CTNNA3: variants seen among roughly 807,000 people sequenced by gnomAD.
CTNNA3 encodes the protein catenin alpha-3.
In CTNNA3, 76 loss-of-function variants were observed where a neutral mutation model predicts 95.7. The observed-to-expected ratio is 0.79, with a 90% CI of 0.66 to 0.96. The LOEUF is 0.96. Among genes scored for constraint, CTNNA3 ranks in the 40% least tolerant of loss-of-function variants. CTNNA3 has a pLI of 0.00. For missense variants in CTNNA3, 1,191 were observed against 1,089.8 expected (o/e 1.09, Z -1.31); for synonymous variants, 431 against 374.4 (o/e 1.15, Z -1.74).
At chr10:66,767,619 A>G (rs1839921880) in intron 8 of CTNNA3, among the ~76,000 whole-genome samples, 1 of 152,174 alleles carries the variant, frequency 6.6e-6, no homozygotes, top group Non-Finnish European at 1.5e-5. Context: ...TTTTTCTGTC[A>G]AAGTTACATT....
intron 7 of CTNNA3, among the ~76,000 whole-genome samples, chr10:66,854,217 AG>A (rs1405689137): frequency 2.6e-5 from 4 of 152,220 alleles, no homozygotes; most frequent in African/African-American, 7.2e-5. Flanking sequence ...TTCCAAAAAT[AG>A]GCATGTTTTG....
intron 5 of CTNNA3, among the ~76,000 whole-genome samples, chr10:67,236,762 CA>C (rs1865481846): frequency 6.6e-6 from 1 of 151,528 alleles, no homozygotes; most frequent in South Asian, 2.1e-4. Context: ...AAATGCAAAT[CA>C]AAACTACAAG....
intron 11 of CTNNA3, among the ~76,000 whole-genome samples, chr10:66,476,684 A>G (rs552767321): frequency 6.6e-6 from 1 of 152,178 alleles, no homozygotes; most frequent in African/African-American, 2.4e-5. Flanking sequence ...TTTATAATTC[A>G]CAATGTTATA....
intron 11 of CTNNA3, among the ~76,000 whole-genome samples, chr10:66,517,882 T>C (rs1027675949): frequency 6.6e-6 from 1 of 152,064 alleles, no homozygotes; most frequent in Non-Finnish European, 1.5e-5. Context: ...TAGAAAATAA[T>C]GTGCGTTTTC....
chr10:66,958,822 G>GGTTT, intron 7 of CTNNA3, among the ~76,000 whole-genome samples: 1 of 152,078 alleles, frequency 6.6e-6, no homozygotes, highest in Non-Finnish European at 1.5e-5. Context: ...AAGAAGGAAA[G>GGTTT]GAATTAAAAT....
intron 11 of CTNNA3, among the ~76,000 whole-genome samples, chr10:66,465,608 A>G (rs1838879802): frequency 6.6e-6 from 1 of 152,062 alleles, no homozygotes; most frequent in African/African-American, 2.4e-5. Context: ...GCCAAATCTC[A>G]TGTCACTGGT....
Position 66,317,439 on chromosome 10 carries a change from C to T in CTNNA3, c.1733-36818G>A, listed in dbSNP as rs566933729. ...CTGTAATCCCAGCACTTTGGGAGGC[C>T]GAGGTGGGTGAATCACAAGGTCAGG... On this transcript the variant is annotated intron_variant, in intron 12 of 17. Transcript: ENST00000433211. Among the ~76,000 whole-genome samples the T allele has an allele frequency of 7.8e-4, 118 of 151,924 alleles. 1 individual carries two copies. The highest frequency in any genetic ancestry group is 2.3e-3 in the African/African-American group (97 of 41,460).
intron 13 of CTNNA3, among the ~76,000 whole-genome samples, chr10:66,199,805 A>ATATATATATTTTT (rs1564756586): frequency 1.4e-4 from 2 of 14,290 alleles, no homozygotes; most frequent in Non-Finnish European, 2.2e-4. Flanking sequence ...ATATATATAT[A>ATATATATATTTTT]TTTTTTTTTT....
intron 9 of CTNNA3, among the ~76,000 whole-genome samples, chr10:66,765,297 T>C (rs1295521717): frequency 6.6e-6 from 1 of 152,186 alleles, no homozygotes; most frequent in Non-Finnish European, 1.5e-5. Flanking sequence ...TGCTGATTAT[T>C]AGACAGACTA....
chr10:66,724,690 A>G (rs984844607), intron 9 of CTNNA3, among the ~76,000 whole-genome samples: 3 of 152,192 alleles, frequency 2.0e-5, no homozygotes, highest in African/African-American at 7.2e-5. Context: ...TAGGACAAAA[A>G]CTCTCAACAT....
At position 66,598,822 on chromosome 10, in the gene CTNNA3, C is replaced by A. The variant is rs572998703; in HGVS notation, c.1374+22870G>T. On this transcript the variant is annotated intron_variant, in intron 10 of 17. Coordinates refer to ENST00000433211, the MANE Select transcript of CTNNA3 (RefSeq NM_013266.4). Reference sequence around the variant, plus strand: ...AATATTGTTGAAATATTTGTACTATCCTAAGTGATCTATAAATTCACTGCA... The same window carrying A: ...AATATTGTTGAAATATTTGTACTATACTAAGTGATCTATAAATTCACTGCA... Among the ~76,000 whole-genome samples, 7 of 152,004 alleles carry A rather than the reference C, an allele frequency of 4.6e-5. No homozygotes were observed. The East Asian group carries it at 1.4e-3, about 29-fold the overall frequency.
At chr10:67,310,770 C>T (rs1840758138) in intron 5 of CTNNA3, among the ~76,000 whole-genome samples, 2 of 152,102 alleles carry the variant, frequency 1.3e-5, no homozygotes, top group African/African-American at 4.8e-5. Context: ...ACAAGAACAG[C>T]ATGAGGGTAA....
At chr10:66,994,165 C>T (rs1001641816) in intron 7 of CTNNA3, among the ~76,000 whole-genome samples, 1 of 151,988 alleles carries the variant, frequency 6.6e-6, no homozygotes, top group Admixed American at 6.6e-5. Context: ...GAAGGTCCCT[C>T]GTATAAAAAC....
chr10:66,199,583 ATAGT>A (rs1403315084), intron 13 of CTNNA3, among the ~76,000 whole-genome samples: 4 of 150,518 alleles, frequency 2.7e-5, no homozygotes, highest in African/African-American at 4.9e-5. Flanking sequence ...TTCAGACCAA[ATAGT>A]TTGTTTGTTT....
At chr10:67,666,324 G>A (rs1840330420) in intron 1 of CTNNA3, among the ~76,000 whole-genome samples, 3 of 152,106 alleles carry the variant, frequency 2.0e-5, no homozygotes, top group African/African-American at 4.8e-5. Context: ...ATTGAGGATA[G>A]GGGCCAGAGA....
intron 11 of CTNNA3, among the ~76,000 whole-genome samples, chr10:66,512,625 G>A (rs1001718285): frequency 6.6e-6 from 1 of 151,984 alleles, no homozygotes; most frequent in Non-Finnish European, 1.5e-5. Context: ...TTGCTTAATT[G>A]ATAGATAACA....
chr10:67,703,450 G>C (rs561879809), intron 1 of CTNNA3, among the ~76,000 whole-genome samples: 7 of 152,134 alleles, frequency 4.6e-5, no homozygotes, highest in Non-Finnish European at 7.4e-5. Flanking sequence ...CTTCATCCCT[G>C]GGATGCAAGG....
chr10:66,681,316 A>T (rs1847060669), intron 9 of CTNNA3, among the ~76,000 whole-genome samples: 1 of 152,110 alleles, frequency 6.6e-6, no homozygotes, highest in South Asian at 2.1e-4. Flanking sequence ...AACTGCTTCA[A>T]CTCACTTGGT....
At chr10:66,754,659 G>T (rs1839294141) in intron 9 of CTNNA3, among the ~76,000 whole-genome samples, 1 of 152,004 alleles carries the variant, frequency 6.6e-6, no homozygotes, top group South Asian at 2.1e-4. Context: ...AATGGGCAAA[G>T]GATCCAAATA....
Sources: gnomAD v4.1 joint callset for allele counts (sites outside exome capture counted in the v4.1 genomes callset) on GRCh38, gnomAD v4.1.1 for gene constraint, MANE v1.5 for transcripts, NCBI Gene and HGNC (gene_info 2026-07-23, HGNC 2026-07-21) for gene names.